Variants in ITPR1 observed in about 807,000 individuals in gnomAD.
ITPR1 encodes the protein inositol 1,4,5-trisphosphate receptor type 1.
ITPR1 carries 96 observed loss-of-function variants against 318.4 expected under a neutral mutation model. That is an observed-to-expected ratio of 0.30 (90% CI 0.26 to 0.36). The LOEUF is 0.36. Among genes scored for constraint, ITPR1 ranks in the 10% least tolerant of loss-of-function variants. ITPR1 has a pLI of 1.00. For synonymous variants in ITPR1, 1,312 were observed against 1,289.9 expected, an observed-to-expected ratio of 1.02 and a Z score of -0.37; for missense variants, 2,440 against 3,460.2, an observed-to-expected ratio of 0.71 and a Z score of 7.40.
chr3:4,522,911 C>A (rs2082675830), intron 4 of ITPR1, among the ~76,000 whole-genome samples: 1 of 152,200 alleles, frequency 6.6e-6, no homozygotes, highest in Admixed American at 6.5e-5. Context: ...TGGTTCTCAA[C>A]TTTGGCTGCA....
At chr3:4,612,156 T>G (rs2092163068) in intron 4 of ITPR1, among the ~76,000 whole-genome samples, 1 of 148,424 alleles carries the variant, frequency 6.7e-6, no homozygotes, top group Non-Finnish European at 1.5e-5. Flanking sequence ...CTGTCTCTTG[T>G]GTTCAAGCAA....
Position 4,504,778 on chromosome 3 carries a change from C to G in ITPR1, c.-17+10272C>G, listed in dbSNP as rs142467737. On this transcript the variant is annotated intron_variant, in intron 2 of 61. Coordinates refer to ENST00000649015, the MANE Select transcript of ITPR1 (RefSeq NM_001378452.1). ...TTGTAAAGGGAGCCTTTTTCTCCCTCTTGAAAAAGTCAACCGTAAATGCGT... is the reference window on the plus strand; with the variant it reads ...TTGTAAAGGGAGCCTTTTTCTCCCTGTTGAAAAAGTCAACCGTAAATGCGT... Among the ~76,000 whole-genome samples the G allele has an allele frequency of 6.4e-4, 97 of 152,316 alleles. 1 individual carries two copies. The highest frequency in any genetic ancestry group is 1.2e-3 in the Non-Finnish European group (85 of 68,036).
At chr3:4,696,201 T>C (rs1469951413) in intron 33 of ITPR1, among the ~76,000 whole-genome samples, 1 of 152,188 alleles carries the variant, frequency 6.6e-6, no homozygotes, top group Non-Finnish European at 1.5e-5. Flanking sequence ...GCAATCACCA[T>C]CACAATTTAG....
chr3:4,530,140 A>G (rs138830794), intron 4 of ITPR1, among the ~76,000 whole-genome samples: 74 of 152,336 alleles, frequency 4.9e-4, no homozygotes, highest in African/African-American at 1.6e-3. Context: ...GAAAAAGTCT[A>G]CAGACAAGAG....
At chr3:4,796,918 C>G (rs2047936365) in intron 53 of ITPR1, among the ~76,000 whole-genome samples, 1 of 152,138 alleles carries the variant, frequency 6.6e-6, no homozygotes, top group African/African-American at 2.4e-5. Context: ...AGTTGGCAAA[C>G]TAGTCAAGAT....
In ITPR1 at chr3:4,794,874, C is replaced by G. The variant is rs915133081; in HGVS notation, c.6809-191C>G. 5.3e-6 allele frequency: 3 copies of G among 568,546 alleles called. No individual in the cohort carries two copies. The African/African-American group carries it at 5.7e-5, about 11-fold the overall frequency. The allele number at this position is 568,546 out of a possible 1,614,324, so 35.2% of individuals were successfully genotyped here. A position where few individuals can be genotyped will look rare whatever the true frequency, so the allele number is the denominator to read the frequency against. On this transcript the variant is annotated intron_variant, in intron 52 of 61. Coordinates refer to ENST00000649015, the MANE Select transcript of ITPR1 (RefSeq NM_001378452.1). Reference sequence around the variant, plus strand: ...TACATCTTCTGTTCCAGTAAGTACTCCACACAGAAATAAACCAATCTGATG... The same window carrying G: ...TACATCTTCTGTTCCAGTAAGTACTGCACACAGAAATAAACCAATCTGATG...
At chr3:4,762,118 C>T (rs2045494686) in intron 44 of ITPR1, among the ~76,000 whole-genome samples, 1 of 152,192 alleles carries the variant, frequency 6.6e-6, no homozygotes, top group Non-Finnish European at 1.5e-5. Flanking sequence ...GCAATAGATA[C>T]CACTGCTTCT....
Position 4,679,941 on chromosome 3 carries a change from G to A in ITPR1, c.2968-612G>A, listed in dbSNP as rs72995435. Among the ~76,000 whole-genome samples, 659 of 152,258 alleles carry A rather than the reference G, an allele frequency of 4.3e-3. 2 individuals are homozygous for A. Among genetic ancestry groups the A allele is most frequent in the Non-Finnish European group, 6.7e-3 (454 of 68,020 alleles). ...ACAAGGGGAGAACGGAAGGAAGAACGTGAGTGAGATCCCTACATGATGTCA... is the reference window on the plus strand; with the variant it reads ...ACAAGGGGAGAACGGAAGGAAGAACATGAGTGAGATCCCTACATGATGTCA... On this transcript the variant is annotated intron_variant, in intron 24 of 61. Transcript: ENST00000649015.
chr3:4,612,063 CTTTTTTTTTTT>C (rs34678180), intron 4 of ITPR1, among the ~76,000 whole-genome samples: 1 of 108,562 alleles, frequency 9.2e-6, no homozygotes, highest in African/African-American at 3.6e-5. Context: ...GTATCAGGCC[CTTTTTTTTTTT>C]TTTTTTTTTG....
At chr3:4,592,263 T>G (rs1477888047) in intron 4 of ITPR1, among the ~76,000 whole-genome samples, 1 of 152,202 alleles carries the variant, frequency 6.6e-6, no homozygotes, top group Non-Finnish European at 1.5e-5. Flanking sequence ...ACTGACTGTC[T>G]TGTTTTATGT....
intron 4 of ITPR1, among the ~76,000 whole-genome samples, chr3:4,530,773 TCAA>T (rs113306224): frequency 1.2e-4 from 18 of 151,134 alleles, no homozygotes; most frequent in Non-Finnish European, 1.9e-4. Context: ...AGAGCAAGAC[TCAA>T]CAACAACAAC....
Position 4,846,250 on chromosome 3 carries a change from T to G in ITPR1, c.*25T>G. The G allele has an allele frequency of 2.8e-6, 4 of 1,446,362 alleles. No homozygotes were observed. The highest frequency in any genetic ancestry group is 3.8e-6 in the Non-Finnish European group (4 of 1,051,674). The allele number at this position is 1,446,362 out of a possible 1,614,324, so 89.6% of individuals were successfully genotyped here. A position where few individuals can be genotyped will look rare whatever the true frequency, so the allele number is the denominator to read the frequency against. On this transcript the variant is annotated 3_prime_UTR_variant, in exon 62 of 62. Transcript: ENST00000649015. ...AGCAAATGAAAGAAAGGAATTGTAT[T>G]TACCTTTTATAATTATTATTAGTGT...
rs553559062 is a variant in ITPR1, at chr3:4,673,358, G to A, written c.2427G>A (p.Ser809=). 9.1e-5 allele frequency: 146 copies of A among 1,610,448 alleles called. No homozygotes were observed. The East Asian group carries it at 1.2e-3, about 13-fold the overall frequency. The stretch of plus-strand genomic sequence containing the variant: ...CCGTGAAATATGCCCGCCTCTGGTC[G>A]GAGATTCCCTCGGAGATCGCCATTG... ...VTPVKYARLW[S]EIPSEIAIDD... Residue 809 remains serine, a synonymous_variant, in exon 21 of 62, where the codon TCG becomes TCA. Coordinates refer to ENST00000649015, the MANE Select transcript of ITPR1 (RefSeq NM_001378452.1).
In ITPR1 at chr3:4,619,614, TC is replaced by T; in HGVS notation, c.164-8145del. Among the ~76,000 whole-genome samples, 39 of 28,940 alleles carry T rather than the reference TC, an allele frequency of 1.3e-3. 5 individuals are homozygous for T. Among genetic ancestry groups the T allele is most frequent in the African/African-American group, 6.8e-3 (35 of 5,134 alleles). The allele number at this position is 28,940 out of a possible 152,430, so 19.0% of individuals were successfully genotyped here. On this transcript the variant is annotated intron_variant, in intron 4 of 61. Coordinates refer to ENST00000649015, the MANE Select transcript of ITPR1 (RefSeq NM_001378452.1). ...TGCCCTCCCCTGCTCTCCTCTGCCC[TC>T]CCCTGCTCTCCTCTGCTCTCCCCTG...
Position 4,685,069 on chromosome 3 carries a change from A to G in ITPR1, c.3565A>G (p.Ile1189Val). 1 of 1,608,428 alleles carries G rather than the reference A, an allele frequency of 6.2e-7. No individual in the cohort carries two copies. The highest frequency in any genetic ancestry group is 8.5e-7 in the Non-Finnish European group (1 of 1,177,268). ...SSYNYRVVKE[I>V]LIRLSKLCVQ... ...AGACTGATTTCTTTCATTCTACTAG[A>G]TTTTGATTCGGCTTAGCAAACTCTG... The change falls in exon 30 of 62, where the codon ATT becomes GTT. Residue 1189 changes from isoleucine to valine, a missense_variant and splice_region_variant. This residue lies in a region of ITPR1 where 86 missense variants were observed against 75.6 expected (regional missense o/e 1.14). Transcript: ENST00000649015.
rs2051434516 is a variant in ITPR1, at chr3:4,842,605, T to C, written c.8191-3534T>C. 2.0e-5 allele frequency among the ~76,000 whole-genome samples: 3 copies of C among 152,152 alleles called. No homozygotes were observed. In the South Asian group the frequency reaches 6.2e-4, roughly 32 times the overall value. On this transcript the variant is annotated intron_variant, in intron 61 of 61. Coordinates refer to ENST00000649015, the MANE Select transcript of ITPR1 (RefSeq NM_001378452.1). Reference sequence around the variant, plus strand: ...CCGGTCTCGAACTCCTGGCCTCAAGTGATCTGCCTCCCAAAGTGCTGGTAT... The same window carrying C: ...CCGGTCTCGAACTCCTGGCCTCAAGCGATCTGCCTCCCAAAGTGCTGGTAT...
rs868512760 is a variant in ITPR1, at chr3:4,670,851, G to A, written c.2129G>A (p.Ser710Asn). 1.7e-5 allele frequency: 28 copies of A among 1,610,694 alleles called. No individual in the cohort carries two copies. The Middle Eastern group carries it at 4.3e-3, about 247-fold the overall frequency. The change falls in exon 20 of 62, where the codon AGC (serine) becomes AAC (asparagine). Residue 710 changes from serine to asparagine, a missense_variant. Ser to Asn is a conservative substitution (Grantham distance 46). Around this residue, in one of 23 missense-constraint regions of ITPR1, gnomAD observed 478 missense variants for 696.3 expected, o/e 0.69. Transcript: ENST00000649015. ...AGGGACAGCAACAAAGAGATTCGCA[G>A]CAAGAGTGTGAGGGAATTGGCTCAG... ...FWRDSNKEIR[S>N]KSVRELAQDA...
At chr3:4,498,237 G>A (rs1178496316) in intron 2 of ITPR1, among the ~76,000 whole-genome samples, 4 of 152,212 alleles carry the variant, frequency 2.6e-5, no homozygotes, top group Non-Finnish European at 5.9e-5. Flanking sequence ...AACAAAACAT[G>A]ATGAGGGGTA....
intron 46 of ITPR1, among the ~76,000 whole-genome samples, chr3:4,773,097 C>A (rs2046288739): frequency 6.6e-6 from 1 of 152,260 alleles, no homozygotes; most frequent in Non-Finnish European, 1.5e-5. Flanking sequence ...TGATCGGTCC[C>A]TCTGTACGCA....
Sources: gnomAD v4.1 joint callset for allele counts (sites outside exome capture counted in the v4.1 genomes callset) on GRCh38, gnomAD v4.1.1 for gene constraint, gnomAD v4.1.1 regional missense constraint, MANE v1.5 for transcripts, NCBI Gene and HGNC (gene_info 2026-07-23, HGNC 2026-07-21) for gene names.